CLVS1: variants seen among roughly 807,000 people sequenced by gnomAD.
CLVS1 encodes the protein clavesin 1.
CLVS1 carries 10 observed loss-of-function variants against 33.1 expected under a neutral mutation model. That is an observed-to-expected ratio of 0.30 (90% CI 0.19 to 0.51). The LOEUF (loss-of-function observed/expected upper bound fraction) is 0.51, where lower values mean the gene tolerates loss of function less well. Ranked by LOEUF, CLVS1 falls within the 20% of genes least tolerant of loss-of-function variation. The pLI is 0.97. For synonymous variants in CLVS1, 163 were observed against 166.1 expected, an observed-to-expected ratio of 0.98 and a Z score of 0.14; for missense variants, 343 against 433.4, an observed-to-expected ratio of 0.79 and a Z score of 1.85.
intron 1 of CLVS1, among the ~76,000 whole-genome samples, chr8:61,103,231 CT>C (rs1269249724): frequency 1.2e-4 from 18 of 152,130 alleles, no homozygotes; most frequent in Non-Finnish European, 7.3e-5. Context: ...TCCTTGGCCA[CT>C]GGTGAAGATC....
intron 5 of CLVS1, among the ~76,000 whole-genome samples, chr8:61,489,918 T>G (rs1313113072): frequency 6.6e-6 from 1 of 152,202 alleles, no homozygotes; most frequent in Admixed American, 6.5e-5. Context: ...GCAGACTACT[T>G]GTAGCAATAC....
intron 1 of CLVS1, among the ~76,000 whole-genome samples, chr8:61,074,860 G>T (rs1804880483): frequency 6.6e-6 from 1 of 152,010 alleles, no homozygotes; most frequent in South Asian, 2.1e-4. Context: ...ACATACCCTT[G>T]GAATTAACAG....
chr8:61,271,189 C>T (rs369853709), intron 2 of CLVS1, among the ~76,000 whole-genome samples: 8 of 146,906 alleles, frequency 5.4e-5, no homozygotes, highest in African/African-American at 7.6e-5. Flanking sequence ...GCTTTGAATG[C>T]GTCCCAGAGA....
chr8:61,431,471 C>T (rs1254376080), intron 3 of CLVS1, among the ~76,000 whole-genome samples: 1 of 152,164 alleles, frequency 6.6e-6, no homozygotes, highest in African/African-American at 2.4e-5. Context: ...CTAGTTTAGT[C>T]TCTTCTTTCT....
chr8:61,285,643 T>C (rs1449470826), upstream of CLVS1, among the ~76,000 whole-genome samples: 1 of 152,146 alleles, frequency 6.6e-6, no homozygotes, highest in Non-Finnish European at 1.5e-5. Flanking sequence ...AGGGCACTGT[T>C]AATGTTGGGT....
At chr8:61,206,018 A>G (rs1010796296) in intron 2 of CLVS1, among the ~76,000 whole-genome samples, 1 of 152,208 alleles carries the variant, frequency 6.6e-6, no homozygotes, top group East Asian at 1.9e-4. Context: ...CCAGCATATA[A>G]TAAGTGCTCA....
At chr8:61,162,593 A>C (rs963106265) in intron 2 of CLVS1, among the ~76,000 whole-genome samples, 1 of 152,240 alleles carries the variant, frequency 6.6e-6, no homozygotes, top group African/African-American at 2.4e-5. Context: ...ATTTAGATTA[A>C]TAGGGGAAAA....
At chr8:61,248,249 G>A (rs1808859237) in intron 2 of CLVS1, among the ~76,000 whole-genome samples, 1 of 152,056 alleles carries the variant, frequency 6.6e-6, no homozygotes, top group Non-Finnish European at 1.5e-5. Context: ...TTTTGCATAG[G>A]ATTGCCTTGG....
chr8:61,426,930 C>T (rs1815918298), intron 3 of CLVS1, among the ~76,000 whole-genome samples: 6 of 152,264 alleles, frequency 3.9e-5, no homozygotes, highest in Admixed American at 3.9e-4. Flanking sequence ...TTGTTAGCAG[C>T]TTTCTGACTA....
intron 5 of CLVS1, among the ~76,000 whole-genome samples, chr8:61,495,951 A>G (rs1388203306): frequency 6.6e-6 from 1 of 152,190 alleles, no homozygotes; most frequent in Non-Finnish European, 1.5e-5. Flanking sequence ...TGGGAGGGCT[A>G]AAAGGTACTT....
the CLVS1 span, among the ~76,000 whole-genome samples, chr8:61,005,352 C>G: frequency 2.7e-5 from 4 of 150,104 alleles, no homozygotes; most frequent in Non-Finnish European, 5.9e-5. Flanking sequence ...TCAAGGGGAC[C>G]CAGGCAAGGG....
intron 2 of CLVS1, among the ~76,000 whole-genome samples, chr8:61,236,135 A>T (rs1481644376): frequency 6.6e-6 from 1 of 152,210 alleles, no homozygotes; most frequent in Admixed American, 6.5e-5. Flanking sequence ...CCTTCCATTC[A>T]TCTTGGCTGT....
chr8:61,067,739 A>G (rs1396045262), intron 1 of CLVS1, among the ~76,000 whole-genome samples: 7 of 151,968 alleles, frequency 4.6e-5, no homozygotes, highest in Admixed American at 3.3e-4. Flanking sequence ...ACCAAATACT[A>G]CATGTTCTCC....
intron 2 of CLVS1, among the ~76,000 whole-genome samples, chr8:61,266,810 A>T (rs1284665829): frequency 2.0e-5 from 3 of 152,234 alleles, no homozygotes; most frequent in Non-Finnish European, 2.9e-5. Flanking sequence ...AGTGTCTAAA[A>T]GGTGCCTGGC....
At chr8:61,410,427 G>A (rs113000140) in intron 3 of CLVS1, among the ~76,000 whole-genome samples, 3,487 of 152,142 alleles carry the variant, frequency 0.023, 131 homozygotes, top group African/African-American at 0.079. Flanking sequence ...GTAACATCCG[G>A]TAGATCGACT....
chr8:61,313,841 C>G (rs576299186), intron 2 of CLVS1, among the ~76,000 whole-genome samples: 4 of 152,256 alleles, frequency 2.6e-5, no homozygotes, highest in African/African-American at 7.2e-5. Context: ...CTGCCTAGCC[C>G]TTGCCTACTG....
intron 3 of CLVS1, among the ~76,000 whole-genome samples, chr8:61,383,237 T>G (rs964581919): frequency 5.9e-5 from 9 of 152,342 alleles, no homozygotes; most frequent in African/African-American, 2.2e-4. Flanking sequence ...AGGCACTTTT[T>G]CTTTCTGTTC....
chr8:61,152,591 A>G (rs1806562346), intron 2 of CLVS1, among the ~76,000 whole-genome samples: 1 of 152,168 alleles, frequency 6.6e-6, no homozygotes, highest in Admixed American at 6.5e-5. Flanking sequence ...GCAGAAGGGC[A>G]AAAGCATTTA....
At chr8:61,413,979 C>T (rs550561802) in intron 3 of CLVS1, among the ~76,000 whole-genome samples, 1 of 152,306 alleles carries the variant, frequency 6.6e-6, no homozygotes, top group Admixed American at 6.5e-5. Context: ...CAGGGAACTG[C>T]ATTTCTAGTT....
Sources: gnomAD v4.1 joint callset for allele counts (sites outside exome capture counted in the v4.1 genomes callset) on GRCh38, gnomAD v4.1.1 for gene constraint, MANE v1.5 for transcripts, NCBI Gene and HGNC (gene_info 2026-07-23, HGNC 2026-07-21) for gene names.